Variants in DIAPH2 observed in about 807,000 individuals in gnomAD.
DIAPH2 encodes the protein diaphanous related formin 2.
A neutral mutation model predicts 92.7 loss-of-function variants in DIAPH2; 35 were observed. That is an observed-to-expected ratio of 0.38 (90% CI 0.29 to 0.50). The LOEUF is 0.50. Ranked by LOEUF, DIAPH2 falls within the 20% of genes least tolerant of loss-of-function variation. DIAPH2 has a pLI of 0.94. For missense variants in DIAPH2, 701 were observed against 819.5 expected (o/e 0.86, Z 1.77); for synonymous variants, 301 against 280.4 (o/e 1.07, Z -0.73).
intron 23 of DIAPH2, among the ~76,000 whole-genome samples, chrX:97,325,565 T>C (rs1259879548): frequency 9.5e-6 from 1 of 105,056 alleles, no homozygotes; most frequent in African/African-American, 3.5e-5. Flanking sequence ...TATTTTATTT[T>C]ATTTTATTTT....
At chrX:96,862,696 A>G (rs145395694) in intron 4 of DIAPH2, among the ~76,000 whole-genome samples, 2 of 111,952 alleles carry the variant, frequency 1.8e-5, no homozygotes, top group East Asian at 5.7e-4. Context: ...ATATTTTTTA[A>G]AGACATAGAC....
intron 1 of DIAPH2, 42 bp downstream of exon 1, chrX:96,685,232 G>T: frequency 1.0e-6 from 1 of 978,959 alleles, no homozygotes; most frequent in South Asian, 5.2e-5. Flanking sequence ...GGGACAGGGA[G>T]AGCCCCGGGA....
intron 22 of DIAPH2, among the ~76,000 whole-genome samples, chrX:97,240,008 A>G (rs934301097): frequency 1.8e-5 from 2 of 111,223 alleles, no homozygotes; most frequent in Non-Finnish European, 3.8e-5. Flanking sequence ...ATTGAGGCAA[A>G]TGTGTTCAAG....
Position 97,501,204 on chromosome X carries a change from C to G in DIAPH2, c.3241+71459C>G, listed in dbSNP as rs1430335179. Among the ~76,000 whole-genome samples the G allele has an allele frequency of 2.7e-5, 3 of 110,579 alleles. No individual in the cohort carries two copies. In the East Asian group the frequency reaches 8.5e-4, roughly 31 times the overall value. Reference sequence around the variant, plus strand: ...AGTCAGATTGACAGACCACACTGTACGAAGATATATACTAGTCTTTGAGTC... The same window carrying G: ...AGTCAGATTGACAGACCACACTGTAGGAAGATATATACTAGTCTTTGAGTC... On this transcript the variant is annotated intron_variant, in intron 26 of 26. Coordinates refer to ENST00000324765, the MANE Select transcript of DIAPH2 (RefSeq NM_006729.5).
intron 23 of DIAPH2, among the ~76,000 whole-genome samples, chrX:97,302,648 C>G (rs4827895): frequency 2.4e-4 from 27 of 111,646 alleles, no homozygotes; most frequent in Non-Finnish European, 4.9e-4. Flanking sequence ...AGGTACAGCT[C>G]TGATTTCTGA....
At chrX:96,876,771 G>A (rs967297642) in intron 4 of DIAPH2, among the ~76,000 whole-genome samples, 25 of 106,856 alleles carry the variant, frequency 2.3e-4, no homozygotes, top group South Asian at 8.7e-4. Flanking sequence ...GGGGTTTGGG[G>A]AGGGGGGAGG....
intron 25 of DIAPH2, among the ~76,000 whole-genome samples, chrX:97,427,721 C>T (rs1188198203): frequency 9.1e-6 from 1 of 110,188 alleles, no homozygotes; most frequent in Non-Finnish European, 1.9e-5. Context: ...CAGTCTGTTG[C>T]CCGGGCTGGA....
intron 26 of DIAPH2, among the ~76,000 whole-genome samples, chrX:97,497,528 A>G (rs2070767624): frequency 9.1e-6 from 1 of 109,316 alleles, no homozygotes; most frequent in Admixed American, 1.0e-4. Flanking sequence ...AACGGAGGCC[A>G]GGCACAGTGG....
chrX:97,452,737 G>A lies in DIAPH2; in HGVS notation c.3241+22992G>A, dbSNP rs766460937. Among the ~76,000 whole-genome samples, 3 of 112,265 alleles carry A rather than the reference G, an allele frequency of 2.7e-5. No individual in the cohort carries two copies. In the East Asian group the frequency reaches 8.4e-4, roughly 31 times the overall value. ...AGTTAAAACACAAAATACAATGGAC[G>A]TAGGCTTCTGAAGTGTTCTGAGTCA... On this transcript the variant is annotated intron_variant, in intron 26 of 26. Transcript: ENST00000324765.
chrX:96,688,612 C>T (rs931654145), intron 1 of DIAPH2, among the ~76,000 whole-genome samples: 1 of 112,381 alleles, frequency 8.9e-6, no homozygotes, highest in Non-Finnish European at 1.9e-5. Context: ...GCTAGGATTA[C>T]AGGCTTGAGC....
At chrX:97,375,035 C>T (rs1213102521) in intron 24 of DIAPH2, among the ~76,000 whole-genome samples, 1 of 111,861 alleles carries the variant, frequency 8.9e-6, no homozygotes, top group Non-Finnish European at 1.9e-5. Context: ...GATTTTCACC[C>T]ACCTTTACTA....
rs190124388 is a variant in DIAPH2, at chrX:96,738,892, A to G, written c.342+130A>G. Reference sequence around the variant, plus strand: ...AAGAAGAGACCAGAAACTTGATATAACAAAACTATTTGCAAAAGTATCCTT... The same window carrying G: ...AAGAAGAGACCAGAAACTTGATATAGCAAAACTATTTGCAAAAGTATCCTT... On this transcript the variant is annotated intron_variant, in intron 3 of 26. Transcript: ENST00000324765. The G allele has an allele frequency of 1.3e-5, 6 of 475,202 alleles. No individual in the cohort carries two copies. In the Admixed American group the frequency reaches 2.4e-4, roughly 19 times the overall value. 39.2% of individuals were successfully genotyped at this position (475,202 alleles called of 1,213,427 possible).
intron 22 of DIAPH2, among the ~76,000 whole-genome samples, chrX:97,155,425 C>T (rs990598326): frequency 1.8e-5 from 2 of 108,989 alleles, no homozygotes; most frequent in Non-Finnish European, 3.8e-5. Flanking sequence ...CACTTGAACC[C>T]GGGAGGCAGA....
intron 17 of DIAPH2, among the ~76,000 whole-genome samples, chrX:97,027,969 A>G (rs1217738082): frequency 8.9e-6 from 1 of 112,366 alleles, no homozygotes; most frequent in Non-Finnish European, 1.9e-5. Flanking sequence ...ATAAACTGCA[A>G]TTTTTAATTT....
intron 22 of DIAPH2, among the ~76,000 whole-genome samples, chrX:97,227,901 T>A (rs757621285): frequency 6.1e-4 from 68 of 111,169 alleles, no homozygotes; most frequent in East Asian, 4.2e-3. Flanking sequence ...ATTAAAAAAA[T>A]TTTTTTTCAA....
chrX:96,725,030 C>T (rs749232914), intron 1 of DIAPH2, among the ~76,000 whole-genome samples: 1 of 111,391 alleles, frequency 9.0e-6, no homozygotes, highest in South Asian at 3.8e-4. Flanking sequence ...TTAAATACAG[C>T]GAAGAGTCCG....
chrX:97,406,284 T>C (rs1474476090), intron 25 of DIAPH2, among the ~76,000 whole-genome samples: 2 of 111,677 alleles, frequency 1.8e-5, no homozygotes, highest in Non-Finnish European at 3.8e-5. Flanking sequence ...CTTGTTGATT[T>C]CTCCCGGTTT....
intron 24 of DIAPH2, among the ~76,000 whole-genome samples, chrX:97,376,780 C>A (rs1223343303): frequency 1.8e-5 from 2 of 111,551 alleles, no homozygotes; most frequent in Admixed American, 9.6e-5. Flanking sequence ...TGTACTTATA[C>A]AAACCTAGAT....
At chrX:97,539,710 A>T (rs1003470501) in intron 26 of DIAPH2, among the ~76,000 whole-genome samples, 1 of 111,828 alleles carries the variant, frequency 8.9e-6, no homozygotes, top group Non-Finnish European at 1.9e-5. Flanking sequence ...CTTTTGATAG[A>T]TATAATTGGT....
Sources: allele counts gnomAD v4.1 joint callset (sites outside exome capture counted in the v4.1 genomes callset), GRCh38; gene constraint gnomAD v4.1.1; transcripts MANE v1.5; gene names NCBI Gene and HGNC (gene_info 2026-07-23, HGNC 2026-07-21).